The following NOVA1 variants were observed in gnomAD, a reference collection of about 807,000 sequenced individuals.
The protein encoded by NOVA1 is RNA-binding protein Nova-1.
A neutral mutation model predicts 38.0 loss-of-function variants in NOVA1; 7 were observed. The ratio of observed to expected loss-of-function variants is 0.18; its 90% CI spans 0.10 to 0.35. The LOEUF (loss-of-function observed/expected upper bound fraction) is 0.35, where lower values mean the gene tolerates loss of function less well. NOVA1 is among the 10% of genes least tolerant of loss of function. NOVA1 has a pLI of 1.00. For missense variants in NOVA1, 460 were observed against 616.0 expected, an observed-to-expected ratio of 0.75 and a Z score of 2.68; for synonymous variants, 270 against 232.5, an observed-to-expected ratio of 1.16 and a Z score of -1.47.
intron 4 of NOVA1, among the ~76,000 whole-genome samples, chr14:26,464,822 T>A (rs987737040): frequency 1.8e-4 from 27 of 152,142 alleles, no homozygotes; most frequent in African/African-American, 5.5e-4. Context: ...TTATAGTAAG[T>A]CTATCCATTA....
In NOVA1 at chr14:26,597,704, G is replaced by A. The variant is rs1408740781; in HGVS notation, c.-268C>T. 1.8e-6 allele frequency: 2 copies of A among 1,135,120 alleles called. No individual in the cohort carries two copies. Among genetic ancestry groups the A allele is most frequent in the Non-Finnish European group, 1.1e-6 (1 of 929,262 alleles). 70.3% of individuals were successfully genotyped at this position (1,135,120 alleles called of 1,614,324 possible). ...ATGGAGGGGGTGTGAGAGACGGAGG[G>A]TGAAAGAAGAAGAAGAAAGGAGACA... is the stretch of plus-strand genomic sequence containing the variant. On this transcript the variant is annotated 5_prime_UTR_variant, in exon 1 of 5. Coordinates refer to ENST00000539517, the MANE Select transcript of NOVA1 (RefSeq NM_002515.3).
At chr14:26,568,256 T>C (rs549589231) in intron 2 of NOVA1, among the ~76,000 whole-genome samples, 1 of 152,162 alleles carries the variant, frequency 6.6e-6, no homozygotes, top group Non-Finnish European at 1.5e-5. Flanking sequence ...TACACAGTCA[T>C]TCATATACAA....
At chr14:26,546,081 A>G (rs1890773232) in intron 2 of NOVA1, among the ~76,000 whole-genome samples, 1 of 152,114 alleles carries the variant, frequency 6.6e-6, no homozygotes, top group African/African-American at 2.4e-5. Flanking sequence ...TATGAGTATT[A>G]TATCTCCATT....
intron 4 of NOVA1, among the ~76,000 whole-genome samples, chr14:26,458,211 T>C (rs75472834): frequency 6.6e-6 from 1 of 152,178 alleles, no homozygotes; most frequent in African/African-American, 2.4e-5. Context: ...AAAGGGAACA[T>C]TTATATATTA....
chr14:26,596,018 A>G (rs1894164755), intron 1 of NOVA1: 1 of 305,564 alleles, frequency 3.3e-6, no homozygotes, highest in South Asian at 3.0e-5. Context: ...TAGCAGACAC[A>G]TAAGGACTAC....
At chr14:26,499,506 G>T (rs1253604303) in intron 2 of NOVA1, among the ~76,000 whole-genome samples, 1 of 152,090 alleles carries the variant, frequency 6.6e-6, no homozygotes, top group Non-Finnish European at 1.5e-5. Context: ...TGTTCTTTAT[G>T]TGTAATTCAA....
rs1467306045 is a variant in NOVA1 at position 26,525,926 on chromosome 14, A to T, written c.281-45783T>A. ...CCAATAATACACATTCTTTTACTTG[A>T]GATTCTAAAATCAAATGTGTTATTA... On this transcript the variant is annotated intron_variant, in intron 2 of 4. Transcript: ENST00000539517. 3.9e-5 allele frequency among the ~76,000 whole-genome samples: 6 copies of T among 152,192 alleles called. No homozygotes were observed. In the East Asian group the frequency reaches 1.2e-3, roughly 29 times the overall value.
At chr14:26,554,239 A>G (rs1891346035) in intron 2 of NOVA1, among the ~76,000 whole-genome samples, 1 of 151,998 alleles carries the variant, frequency 6.6e-6, no homozygotes, top group Non-Finnish European at 1.5e-5. Flanking sequence ...GAGGCAGTGG[A>G]GCACAAACAG....
At chr14:26,533,041 TCA>T (rs933983763) in intron 2 of NOVA1, among the ~76,000 whole-genome samples, 17 of 152,230 alleles carry the variant, frequency 1.1e-4, no homozygotes, top group African/African-American at 4.1e-4. Flanking sequence ...ATATTCCTAT[TCA>T]CATTTTCATG....
intron 2 of NOVA1, among the ~76,000 whole-genome samples, chr14:26,575,941 C>T (rs1566551684): frequency 6.6e-6 from 1 of 151,866 alleles, no homozygotes; most frequent in Non-Finnish European, 1.5e-5. Flanking sequence ...ACTCTATCAA[C>T]CAGAATAATT....
At chr14:26,496,934 T>A (rs1313777493) in intron 2 of NOVA1, among the ~76,000 whole-genome samples, 1 of 152,168 alleles carries the variant, frequency 6.6e-6, no homozygotes, top group African/African-American at 2.4e-5. Flanking sequence ...GCGTGATGCC[T>A]CCAGCTTTGT....
intron 2 of NOVA1, among the ~76,000 whole-genome samples, chr14:26,499,507 T>C (rs1038808293): frequency 3.3e-5 from 5 of 152,126 alleles, no homozygotes; most frequent in Non-Finnish European, 7.4e-5. Context: ...GTTCTTTATG[T>C]GTAATTCAAG....
chr14:26,473,555 A>G (rs950765285), intron 3 of NOVA1, among the ~76,000 whole-genome samples: 3 of 152,126 alleles, frequency 2.0e-5, no homozygotes, highest in East Asian at 3.9e-4. Context: ...ACTTGAAGTC[A>G]TATTTTTGCA....
intron 2 of NOVA1, among the ~76,000 whole-genome samples, chr14:26,497,963 T>G (rs1886942568): frequency 2.6e-5 from 4 of 152,208 alleles, no homozygotes; most frequent in African/African-American, 9.6e-5. Flanking sequence ...CAAATTATAC[T>G]ACCTTATACT....
intron 2 of NOVA1, among the ~76,000 whole-genome samples, chr14:26,482,683 T>C (rs1431605031): frequency 6.6e-6 from 1 of 151,956 alleles, no homozygotes; most frequent in Non-Finnish European, 1.5e-5. Context: ...AAGATAGAGG[T>C]ATATAAGATA....
At chr14:26,493,396 C>T (rs551633433) in intron 2 of NOVA1, among the ~76,000 whole-genome samples, 3 of 152,058 alleles carry the variant, frequency 2.0e-5, no homozygotes, top group Admixed American at 6.6e-5. Context: ...CTGTTAATTC[C>T]AATTCTTCTT....
At chr14:26,469,641 G>A (rs1284930955) in intron 4 of NOVA1, among the ~76,000 whole-genome samples, 1 of 152,172 alleles carries the variant, frequency 6.6e-6, no homozygotes, top group Non-Finnish European at 1.5e-5. Context: ...CAAGACTGGA[G>A]AGCAGTGGCA....
At chr14:26,479,872 T>G in intron 3 of NOVA1, 105 bp downstream of exon 3, 1 of 1,212,028 alleles carries the variant, frequency 8.3e-7, no homozygotes. Flanking sequence ...ATGTTTTATG[T>G]GTGCTTAAAA....
chr14:26,581,539 T>C (rs1483569980), intron 2 of NOVA1, among the ~76,000 whole-genome samples: 2 of 151,978 alleles, frequency 1.3e-5, no homozygotes, highest in Middle Eastern at 3.4e-3. Flanking sequence ...AATAGGAAAA[T>C]AGAAAGATAT....
Sources: gnomAD v4.1 joint callset for allele counts (sites outside exome capture counted in the v4.1 genomes callset) on GRCh38, gnomAD v4.1.1 for gene constraint, MANE v1.5 for transcripts, NCBI Gene and HGNC (gene_info 2026-07-23, HGNC 2026-07-21) for gene names.